The following DLG2 variants were observed in gnomAD, a reference collection of about 807,000 sequenced individuals.
DLG2 encodes the protein disks large homolog 2.
DLG2 carries 45 observed loss-of-function variants against 132.5 expected under a neutral mutation model. That is an observed-to-expected ratio of 0.34 (90% confidence interval 0.27 to 0.44). The LOEUF (loss-of-function observed/expected upper bound fraction) is 0.44. DLG2 is among the 20% of genes least tolerant of loss of function. The pLI, the probability that DLG2 is intolerant of heterozygous loss-of-function variation, is 1.00. For missense variants in DLG2, 1,045 were observed against 1,196.9 expected (o/e 0.87, Z 1.87); for synonymous variants, 424 against 419.6 (o/e 1.01, Z -0.13).
At chr11:84,480,495 G>A (rs1216415014) in intron 7 of DLG2, among the ~76,000 whole-genome samples, 1 of 151,858 alleles carries the variant, frequency 6.6e-6, no homozygotes, top group Non-Finnish European at 1.5e-5. Flanking sequence ...CACAGAATAT[G>A]GAATCTAGTT....
intron 7 of DLG2, among the ~76,000 whole-genome samples, chr11:84,411,782 G>T (rs1054948991): frequency 6.6e-6 from 1 of 152,142 alleles, no homozygotes; most frequent in Non-Finnish European, 1.5e-5. Context: ...TCATTATCAT[G>T]CCACAGTTAT....
rs191585112 is a variant in DLG2, at chr11:85,372,119, C to G, written c.41-86754G>C. On this transcript the variant is annotated intron_variant, in intron 3 of 27. Coordinates refer to ENST00000376104, the MANE Select transcript of DLG2 (RefSeq NM_001142699.3). Reference sequence around the variant, plus strand: ...ACCAAGGAGCAATCTCCAGCTGTAGCTCCGAAAGAACTAAAGGGATGGGTA... The same window carrying G: ...ACCAAGGAGCAATCTCCAGCTGTAGGTCCGAAAGAACTAAAGGGATGGGTA... Among the ~76,000 whole-genome samples, 63 of 152,334 alleles carry G rather than the reference C, an allele frequency of 4.1e-4. No homozygotes were observed. The East Asian group carries it at 4.4e-3, about 11-fold the overall frequency.
intron 6 of DLG2, among the ~76,000 whole-genome samples, chr11:84,709,369 G>A (rs1272456769): frequency 6.6e-6 from 1 of 151,912 alleles, no homozygotes; most frequent in Non-Finnish European, 1.5e-5. Flanking sequence ...GCAAATAAAA[G>A]TGAAAAGAGA....
intron 15 of DLG2, among the ~76,000 whole-genome samples, chr11:83,895,712 C>T (rs1196182695): frequency 1.3e-5 from 2 of 152,200 alleles, no homozygotes; most frequent in African/African-American, 4.8e-5. Flanking sequence ...TTATCTCATG[C>T]ACACTCAGAT....
At chr11:84,739,176 A>T (rs2064259868) in intron 6 of DLG2, among the ~76,000 whole-genome samples, 1 of 152,176 alleles carries the variant, frequency 6.6e-6, no homozygotes, top group African/African-American at 2.4e-5. Context: ...TTGTATATTT[A>T]AAAAAGATTC....
chr11:84,983,296 A>T (rs909396845), intron 6 of DLG2, among the ~76,000 whole-genome samples: 3 of 152,210 alleles, frequency 2.0e-5, no homozygotes, highest in Non-Finnish European at 1.5e-5. Flanking sequence ...AGAGACCCAC[A>T]GACGGTTCAC....
chr11:84,145,342 C>A (rs2095037565), intron 9 of DLG2, among the ~76,000 whole-genome samples: 2 of 152,290 alleles, frequency 1.3e-5, no homozygotes, highest in Admixed American at 6.5e-5. Flanking sequence ...GATGGTATAG[C>A]CTAGGCTACA....
intron 3 of DLG2, among the ~76,000 whole-genome samples, chr11:85,492,748 T>C (rs1323127383): frequency 4.1e-5 from 6 of 146,018 alleles, no homozygotes. Context: ...CTAAAATTCA[T>C]GGAGTGTCCC....
chr11:84,804,728 C>T (rs1181329282), intron 6 of DLG2, among the ~76,000 whole-genome samples: 1 of 152,142 alleles, frequency 6.6e-6, no homozygotes, highest in Non-Finnish European at 1.5e-5. Flanking sequence ...AACTGTCCTC[C>T]TCCAGAAAAA....
At chr11:85,476,698 T>C (rs947891632) in intron 3 of DLG2, among the ~76,000 whole-genome samples, 1 of 152,090 alleles carries the variant, frequency 6.6e-6, no homozygotes, top group African/African-American at 2.4e-5. Flanking sequence ...GTCAGGAATA[T>C]CAGTATCATA....
chr11:84,801,384 A>G (rs567793298), intron 6 of DLG2, among the ~76,000 whole-genome samples: 1 of 152,158 alleles, frequency 6.6e-6, no homozygotes, highest in South Asian at 2.1e-4. Flanking sequence ...CCTGGCTAAC[A>G]CTGTGAAACC....
In DLG2 at chr11:84,377,346, C is replaced by T. The variant is rs2098733422; in HGVS notation, c.520-126055G>A. On this transcript the variant is annotated intron_variant, in intron 7 of 27. Coordinates refer to ENST00000376104, the MANE Select transcript of DLG2 (RefSeq NM_001142699.3). ...AGATTAAAGGGAATTTAAAAGAAAG[C>T]ACCACCACCATGAAAGGCAAAATGT... Among the ~76,000 whole-genome samples the T allele has an allele frequency of 3.3e-5, 5 of 151,884 alleles. No homozygotes were observed. The South Asian group carries it at 1.0e-3, about 32-fold the overall frequency.
rs552200141 is a variant in DLG2 at position 84,526,736 on chromosome 11, A to T, written c.519+7834T>A. 2.7e-5 allele frequency among the ~76,000 whole-genome samples: 4 copies of T among 148,998 alleles called. No homozygotes were observed. In the East Asian group the frequency reaches 6.0e-4, roughly 22 times the overall value. On this transcript the variant is annotated intron_variant, in intron 7 of 27. Transcript: ENST00000376104. ...TAAGAAAAAACATAGTATAAATAGG[A>T]TTTGGTACTATCTGCAGTTTCATGC...
At chr11:84,608,787 C>T (rs2099590207) in intron 6 of DLG2, among the ~76,000 whole-genome samples, 1 of 152,116 alleles carries the variant, frequency 6.6e-6, no homozygotes, top group South Asian at 2.1e-4. Flanking sequence ...AATCAAACTA[C>T]AAACAATTAA....
chr11:85,355,219 A>T (rs1295213248), intron 3 of DLG2, among the ~76,000 whole-genome samples: 1 of 152,126 alleles, frequency 6.6e-6, no homozygotes, highest in Non-Finnish European at 1.5e-5. Flanking sequence ...AGTTTTCATT[A>T]TGTGCAAGGT....
intron 16 of DLG2, among the ~76,000 whole-genome samples, chr11:83,844,058 G>C (rs978809763): frequency 2.0e-5 from 3 of 152,190 alleles, no homozygotes; most frequent in African/African-American, 7.2e-5. Context: ...TAGTGTGTTA[G>C]TGTCTAGATT....
At chr11:85,586,353 G>C (rs773091768) in intron 3 of DLG2, among the ~76,000 whole-genome samples, 2 of 151,320 alleles carry the variant, frequency 1.3e-5, no homozygotes, top group Non-Finnish European at 2.9e-5. Context: ...TTTTTTGTTG[G>C]TAACTTTTTA....
chr11:83,592,715 A>C (rs1475351077), intron 19 of DLG2, among the ~76,000 whole-genome samples: 4 of 147,958 alleles, frequency 2.7e-5, no homozygotes, highest in African/African-American at 1.0e-4. Context: ...CAGCCTACAA[A>C]ATGGGAGAAA....
In DLG2 at chr11:84,786,547, TC is replaced by T. The variant is rs551801534; in HGVS notation, c.358-251817del. Among the ~76,000 whole-genome samples, 37 of 152,284 alleles carry T rather than the reference TC, an allele frequency of 2.4e-4. 1 individual carries two copies. The highest frequency in any genetic ancestry group is 6.8e-3 in the Middle Eastern group (2 of 294). On this transcript the variant is annotated intron_variant, in intron 6 of 27. Coordinates refer to ENST00000376104, the MANE Select transcript of DLG2 (RefSeq NM_001142699.3). Reference sequence around the variant, plus strand: ...AAGCTTCTAAGATAGAGCACTGAGCTCCCTATTTCTCTGTTCCGCCTTCCGT... The same window carrying T: ...AAGCTTCTAAGATAGAGCACTGAGCTCCTATTTCTCTGTTCCGCCTTCCGT...
Sources: allele counts gnomAD v4.1 joint callset (sites outside exome capture counted in the v4.1 genomes callset), GRCh38; gene constraint gnomAD v4.1.1; transcripts MANE v1.5; gene names NCBI Gene and HGNC (gene_info 2026-07-23, HGNC 2026-07-21).